ARHGAP15: variants seen among roughly 807,000 people sequenced by gnomAD.
ARHGAP15 encodes rho GTPase-activating protein 15.
A neutral mutation model predicts 63.7 loss-of-function variants in ARHGAP15; 51 were observed. The observed-to-expected ratio is 0.80, with a 90% CI of 0.64 to 1.01. ARHGAP15 has a LOEUF of 1.01. Ranked by LOEUF, ARHGAP15 falls within the 50% of genes least tolerant of loss-of-function variation. The pLI is 0.00. For synonymous variants in ARHGAP15, 191 were observed against 193.8 expected (o/e 0.99, Z 0.12); for missense variants, 560 against 564.6 (o/e 0.99, Z 0.08).
chr2:143,243,724 A>C (rs1693950178), intron 5 of ARHGAP15, among the ~76,000 whole-genome samples: 1 of 152,120 alleles, frequency 6.6e-6, no homozygotes, highest in African/African-American at 2.4e-5. Context: ...TGAACTACTT[A>C]TTCCAATAAG....
At chr2:143,413,966 T>TGCGCGCGCGCGCGCGCGCGC (rs1553476592) in intron 6 of ARHGAP15, among the ~76,000 whole-genome samples, 58 of 117,918 alleles carry the variant, frequency 4.9e-4, no homozygotes, top group Admixed American at 1.8e-3. Flanking sequence ...TGTGTGTGTG[T>TGCGCGCGCGCGCGCGCGCGC]GCGCGCTCTC....
intron 6 of ARHGAP15, among the ~76,000 whole-genome samples, chr2:143,271,337 T>C (rs181537848): frequency 1.3e-5 from 2 of 152,350 alleles, no homozygotes; most frequent in East Asian, 3.9e-4. Flanking sequence ...TCCTAAAGTT[T>C]CTATTTCTTG....
chr2:143,537,778 G>A (rs181423332), intron 10 of ARHGAP15, among the ~76,000 whole-genome samples: 78 of 152,274 alleles, frequency 5.1e-4, no homozygotes, highest in African/African-American at 1.8e-3. Flanking sequence ...TTTGGTTACT[G>A]TAGCCTTGTA....
At chr2:143,291,140 T>C (rs1329231676) in intron 6 of ARHGAP15, among the ~76,000 whole-genome samples, 2 of 152,124 alleles carry the variant, frequency 1.3e-5, no homozygotes, top group African/African-American at 4.8e-5. Context: ...GATTTGACTT[T>C]GAAAGTCCAG....
chr2:143,271,701 C>T (rs1019470547), intron 6 of ARHGAP15, among the ~76,000 whole-genome samples: 2 of 152,234 alleles, frequency 1.3e-5, no homozygotes, highest in Admixed American at 1.3e-4. Context: ...TAGTCTCGCG[C>T]TCCTGACCTC....
intron 13 of ARHGAP15, among the ~76,000 whole-genome samples, chr2:143,760,633 AAT>A (rs1193622419): frequency 6.6e-6 from 1 of 152,186 alleles, no homozygotes; most frequent in African/African-American, 2.4e-5. Context: ...TCTGCATTGA[AAT>A]TCATGCAGAG....
chr2:143,379,394 A>G (rs1686957791), intron 6 of ARHGAP15, among the ~76,000 whole-genome samples: 1 of 151,388 alleles, frequency 6.6e-6, no homozygotes, highest in Non-Finnish European at 1.5e-5. Flanking sequence ...GGTGCCGATC[A>G]GTGCTTGAAT....
intron 10 of ARHGAP15, among the ~76,000 whole-genome samples, chr2:143,520,169 G>A (rs1019511651): frequency 6.6e-6 from 1 of 152,112 alleles, no homozygotes; most frequent in Non-Finnish European, 1.5e-5. Flanking sequence ...AAAGATAGAG[G>A]TGTTTTCAGA....
intron 6 of ARHGAP15, among the ~76,000 whole-genome samples, chr2:143,421,577 T>C (rs1372802049): frequency 2.0e-5 from 3 of 151,932 alleles, no homozygotes; most frequent in African/African-American, 7.3e-5. Context: ...TCTGTGATCC[T>C]TTAGTGGGTC....
intron 13 of ARHGAP15, among the ~76,000 whole-genome samples, chr2:143,763,742 G>C (rs1686853049): frequency 6.8e-6 from 1 of 146,448 alleles, no homozygotes; most frequent in Admixed American, 6.8e-5. Context: ...GTATATGTAT[G>C]TATATGTATA....
intron 2 of ARHGAP15, among the ~76,000 whole-genome samples, chr2:143,199,510 A>G (rs147846490): frequency 6.1e-4 from 93 of 152,124 alleles, no homozygotes; most frequent in Non-Finnish European, 1.3e-3. Context: ...TCAGCGCCCA[A>G]ACTCCTTCCA....
chr2:143,694,933 CA>C (rs1298798902), intron 12 of ARHGAP15, among the ~76,000 whole-genome samples: 1 of 152,008 alleles, frequency 6.6e-6, no homozygotes, highest in African/African-American at 2.4e-5. Flanking sequence ...TAGTTGTTTT[CA>C]AGTGAGTTTT....
chr2:143,229,501 A>T (rs1443036587), intron 5 of ARHGAP15, among the ~76,000 whole-genome samples: 4 of 152,166 alleles, frequency 2.6e-5, no homozygotes, highest in Non-Finnish European at 4.4e-5. Flanking sequence ...CAAGCTCAAA[A>T]CCTTGCTGCC....
At chr2:143,434,919 T>C (rs946785076) in intron 6 of ARHGAP15, among the ~76,000 whole-genome samples, 2 of 152,216 alleles carry the variant, frequency 1.3e-5, no homozygotes, top group East Asian at 3.9e-4. Context: ...ACGCTAAATA[T>C]TGCCAACTAC....
At chr2:143,372,275 C>G (rs1440407270) in intron 6 of ARHGAP15, among the ~76,000 whole-genome samples, 6 of 147,184 alleles carry the variant, frequency 4.1e-5, no homozygotes, top group African/African-American at 1.5e-4. Flanking sequence ...CTGAGGAGGT[C>G]GAGGCTGCAG....
At chr2:143,580,344 G>A (rs1170289331) in intron 11 of ARHGAP15, among the ~76,000 whole-genome samples, 2 of 152,022 alleles carry the variant, frequency 1.3e-5, no homozygotes, top group Admixed American at 1.3e-4. Flanking sequence ...TTCTCCAGAG[G>A]TCAACATATT....
intron 12 of ARHGAP15, among the ~76,000 whole-genome samples, chr2:143,679,376 A>G (rs1682984548): frequency 1.3e-5 from 2 of 152,214 alleles, no homozygotes; most frequent in Admixed American, 1.3e-4. Context: ...TGCAGAGTCA[A>G]CCTGCTCTTA....
At chr2:143,251,669 A>C (rs1454481815) in intron 6 of ARHGAP15, among the ~76,000 whole-genome samples, 1 of 152,050 alleles carries the variant, frequency 6.6e-6, no homozygotes, top group Admixed American at 6.6e-5. Flanking sequence ...TTTATCAAAC[A>C]AGAAAGTGAG....
At chr2:143,475,890 A>G (rs901264041) in intron 8 of ARHGAP15, among the ~76,000 whole-genome samples, 4 of 152,204 alleles carry the variant, frequency 2.6e-5, no homozygotes, top group African/African-American at 7.2e-5. Flanking sequence ...CCAGCCTCCT[A>G]TGCAATTTAT....
Sources: allele counts gnomAD v4.1 joint callset (sites outside exome capture counted in the v4.1 genomes callset), GRCh38; gene constraint gnomAD v4.1.1; transcripts MANE v1.5; gene names NCBI Gene and HGNC (gene_info 2026-07-23, HGNC 2026-07-21).